Variants in ENTREP2 observed in about 807,000 individuals in gnomAD.
ENTREP2 encodes the protein protein ENTREP2.
At chr15:29,344,068 G>T in the ENTREP2 span, among the ~76,000 whole-genome samples, 1 of 152,138 alleles carries the variant, frequency 6.6e-6, no homozygotes, top group Non-Finnish European at 1.5e-5. Context: ...CCAAGCATTT[G>T]ATACAAGGTT....
At chr15:29,488,857 G>A in the ENTREP2 span, among the ~76,000 whole-genome samples, 2 of 152,066 alleles carry the variant, frequency 1.3e-5, no homozygotes, top group African/African-American at 4.8e-5. Flanking sequence ...AAATGAAGGA[G>A]AAATTTACAC....
At chr15:29,232,139 C>T in the ENTREP2 span, among the ~76,000 whole-genome samples, 4 of 152,000 alleles carry the variant, frequency 2.6e-5, no homozygotes, top group African/African-American at 7.2e-5. Flanking sequence ...GATCTGCCTG[C>T]CTCAGTCTCC....
chr15:29,351,814 A>ATT, the ENTREP2 span, among the ~76,000 whole-genome samples: 4 of 146,518 alleles, frequency 2.7e-5, no homozygotes, highest in African/African-American at 1.0e-4. Flanking sequence ...CAGCTTTTTT[A>ATT]TTTTTTTTTT....
chr15:29,624,871 T>TCGTGTG, the ENTREP2 span, among the ~76,000 whole-genome samples: 1 of 143,718 alleles, frequency 7.0e-6, no homozygotes, highest in African/African-American at 2.6e-5. Flanking sequence ...CTGCATTAAT[T>TCGTGTG]TGTGTGTGTG....
At chr15:29,205,143 G>A in the ENTREP2 span, among the ~76,000 whole-genome samples, 1 of 152,188 alleles carries the variant, frequency 6.6e-6, no homozygotes, top group African/African-American at 2.4e-5. Flanking sequence ...GGTAGCACGT[G>A]TCGAGATTTC....
the ENTREP2 span, among the ~76,000 whole-genome samples, chr15:29,611,659 G>A: frequency 1.3e-5 from 2 of 151,742 alleles, no homozygotes; most frequent in African/African-American, 2.4e-5. Flanking sequence ...TCCAATTCCC[G>A]ATTTTCCTTC....
the ENTREP2 span, among the ~76,000 whole-genome samples, chr15:29,261,250 C>A: frequency 6.6e-6 from 1 of 152,094 alleles, no homozygotes; most frequent in Non-Finnish European, 1.5e-5. Context: ...TGGTGGTGCT[C>A]GCCTGTAATC....
At chr15:29,464,933 G>C in the ENTREP2 span, among the ~76,000 whole-genome samples, 1 of 152,144 alleles carries the variant, frequency 6.6e-6, no homozygotes. Context: ...CTTTTAAAGC[G>C]AACAGATGAA....
chr15:29,597,684 GA>G, the ENTREP2 span, among the ~76,000 whole-genome samples: 10 of 152,030 alleles, frequency 6.6e-5, no homozygotes, highest in Admixed American at 6.5e-4. Flanking sequence ...TTCACCTATT[GA>G]AGGATATATT....
chr15:29,420,819 A>C, the ENTREP2 span, among the ~76,000 whole-genome samples: 44 of 152,306 alleles, frequency 2.9e-4, 1 homozygote, highest in African/African-American at 9.9e-4. Flanking sequence ...ACATCAAAAC[A>C]GGTCTGTGCT....
chr15:29,225,729 G>A, the ENTREP2 span, among the ~76,000 whole-genome samples: 6 of 152,214 alleles, frequency 3.9e-5, no homozygotes, highest in South Asian at 1.2e-3. Flanking sequence ...CACATGGCAA[G>A]GGCTGAAGCT....
chr15:29,214,882 C>T, the ENTREP2 span, among the ~76,000 whole-genome samples: 1 of 152,202 alleles, frequency 6.6e-6, no homozygotes, highest in South Asian at 2.1e-4. Context: ...GAGAAAGTTC[C>T]ACTTGCTGTT....
At chr15:29,565,585 C>T in the ENTREP2 span, among the ~76,000 whole-genome samples, 1 of 152,076 alleles carries the variant, frequency 6.6e-6, no homozygotes, top group Non-Finnish European at 1.5e-5. Flanking sequence ...TGGGAATATT[C>T]GTTATACATT....
chr15:29,518,984 C>A, the ENTREP2 span, among the ~76,000 whole-genome samples: 1 of 152,126 alleles, frequency 6.6e-6, no homozygotes, highest in African/African-American at 2.4e-5. Flanking sequence ...GGAAGAAAAT[C>A]CCTCTCCACC....
the ENTREP2 span, among the ~76,000 whole-genome samples, chr15:29,287,407 AAAAAG>A: frequency 6.6e-6 from 1 of 151,852 alleles, no homozygotes; most frequent in African/African-American, 2.4e-5. Flanking sequence ...AGAAAAAAAA[AAAAAG>A]AAAACCCATG....
At chr15:29,410,845 G>C in the ENTREP2 span, among the ~76,000 whole-genome samples, 3 of 152,190 alleles carry the variant, frequency 2.0e-5, no homozygotes, top group African/African-American at 7.2e-5. Flanking sequence ...GAGTGCAGTG[G>C]CACAATCTCA....
chr15:29,549,522 G>A, the ENTREP2 span, among the ~76,000 whole-genome samples: 6 of 152,128 alleles, frequency 3.9e-5, no homozygotes, highest in South Asian at 6.2e-4. Context: ...CGCCCGCCTC[G>A]GCCTCCCAAA....
chr15:29,228,642 C>G, the ENTREP2 span, among the ~76,000 whole-genome samples: 12 of 152,106 alleles, frequency 7.9e-5, no homozygotes, highest in Non-Finnish European at 1.0e-4. Flanking sequence ...AAAAAGGACT[C>G]TCACTTTCAT....
chr15:29,458,906 G>A, the ENTREP2 span, among the ~76,000 whole-genome samples: 1 of 152,124 alleles, frequency 6.6e-6, no homozygotes, highest in East Asian at 1.9e-4. Context: ...TCACACAAAG[G>A]AGACTTATCC....
Sources: gnomAD v4.1 joint callset for allele counts (sites outside exome capture counted in the v4.1 genomes callset) on GRCh38, gnomAD v4.1.1 for gene constraint, MANE v1.5 for transcripts, NCBI Gene and HGNC (gene_info 2026-07-23, HGNC 2026-07-21) for gene names.